Variants in MEI1 observed in about 807,000 individuals in gnomAD.
MEI1 encodes the protein meiosis inhibitor protein 1.
MEI1 carries 103 observed loss-of-function variants against 146.2 expected under a neutral mutation model. The observed-to-expected ratio is 0.70, with a 90% CI of 0.60 to 0.83. The LOEUF is 0.83. MEI1 is among the 40% of genes least tolerant of loss of function. The pLI, the probability that MEI1 is intolerant of heterozygous loss-of-function variation, is 0.00. For missense variants in MEI1, 1,529 were observed against 1,533.0 expected (o/e 1.00, Z 0.04); for synonymous variants, 652 against 628.2 (o/e 1.04, Z -0.57).
Position 41,784,369 on chromosome 22 carries a change from C to G in MEI1, c.3118C>G (p.Gln1040Glu), listed in dbSNP as rs866398554. The change falls in exon 25 of 31, where the codon CAA (glutamine) becomes GAA (glutamate). Residue 1040 changes from glutamine to glutamate, a missense_variant. Transcript: ENST00000401548. The part of the protein sequence containing the change: ...VHQTLSVEMD[Q>E]VLKALSFPKK... ...CCAGACACTCTCTGTGGAAATGGAC[C>G]AAGTATTGAAGGCTCTCAGCTTTCC... 7.4e-6 allele frequency: 12 copies of G among 1,613,894 alleles called. No homozygotes were observed. Among genetic ancestry groups the G allele is most frequent in the Non-Finnish European group, 9.3e-6 (11 of 1,179,884 alleles).
intron 7 of MEI1, among the ~76,000 whole-genome samples, chr22:41,724,776 AAGT>A (rs1435454753): frequency 6.6e-6 from 1 of 151,958 alleles, no homozygotes; most frequent in Non-Finnish European, 1.5e-5. Flanking sequence ...GGGTGATAGA[AAGT>A]AGATTTCCTT....
chr22:41,771,838 C>T (rs1364242791), intron 20 of MEI1, among the ~76,000 whole-genome samples: 4 of 152,126 alleles, frequency 2.6e-5, no homozygotes, highest in African/African-American at 9.7e-5. Flanking sequence ...AACTAAGATA[C>T]TAGGTTTTCT....
intron 19 of MEI1, among the ~76,000 whole-genome samples, chr22:41,770,423 G>A (rs992559469): frequency 1.3e-5 from 2 of 151,910 alleles, no homozygotes; most frequent in Non-Finnish European, 2.9e-5. Flanking sequence ...GATCCCAATA[G>A]CATTCCCCCA....
At chr22:41,719,608 C>T (rs1381119578) in intron 6 of MEI1, among the ~76,000 whole-genome samples, 2 of 152,302 alleles carry the variant, frequency 1.3e-5, no homozygotes, top group South Asian at 2.1e-4. Flanking sequence ...AAACACCACC[C>T]GTAGGTCCCA....
intron 28 of MEI1, 37 bp downstream of exon 28, chr22:41,794,514 G>C: frequency 1.3e-6 from 2 of 1,559,936 alleles, no homozygotes; most frequent in Non-Finnish European, 1.8e-6. Flanking sequence ...TCTGAGGAGT[G>C]TCATGAGCTG....
intron 1 of MEI1, among the ~76,000 whole-genome samples, chr22:41,702,676 C>T (rs984087077): frequency 2.6e-5 from 4 of 152,002 alleles, no homozygotes; most frequent in Non-Finnish European, 2.9e-5. Flanking sequence ...AACTCCCAAC[C>T]TCAGGTGATC....
chr22:41,700,678 G>T (rs1378425249), intron 1 of MEI1, among the ~76,000 whole-genome samples: 2 of 151,966 alleles, frequency 1.3e-5, no homozygotes, highest in African/African-American at 4.8e-5. Flanking sequence ...GACTTTGGGA[G>T]GTCAAGTTTC....
chr22:41,763,188 C>T lies in MEI1; in HGVS notation c.2135C>T (p.Ala712Val), dbSNP rs1569276879. The part of the protein sequence containing the change: ...YIHEDRFVSE[A>V]ELFEAVQSFL... ...TTGGTTGACAGGTTTGTCTCAGAGG[C>T]AGAGTTATTTGAGGCTGTGCAAAGC... Residue 712 changes from alanine (A) to valine (V), a missense_variant, in exon 19 of 31, where the codon GCA becomes GTA. Coordinates refer to ENST00000401548, the MANE Select transcript of MEI1 (RefSeq NM_152513.4). The T allele has an allele frequency of 1.2e-6, 2 of 1,613,738 alleles. No individual in the cohort carries two copies. The highest frequency in any genetic ancestry group is 3.3e-5 in the Admixed American group (2 of 59,990).
intron 6 of MEI1, among the ~76,000 whole-genome samples, chr22:41,722,799 A>G (rs185767760): frequency 3.1e-4 from 47 of 152,032 alleles, no homozygotes; most frequent in Admixed American, 5.9e-4. Context: ...TTTCCACATT[A>G]TTTAATTTTA....
intron 6 of MEI1, among the ~76,000 whole-genome samples, chr22:41,722,616 C>G (rs1249430749): frequency 1.3e-5 from 2 of 151,898 alleles, no homozygotes; most frequent in African/African-American, 4.8e-5. Flanking sequence ...AAATCCATCT[C>G]CAGGAACACA....
In MEI1 at chr22:41,778,978, C is replaced by G. The variant is rs2075613969; in HGVS notation, c.2815+166C>G. 20 of 568,812 alleles carry G rather than the reference C, an allele frequency of 3.5e-5. No individual in the cohort carries two copies. The South Asian group carries it at 4.1e-4, about 12-fold the overall frequency. The allele number at this position is 568,812 out of a possible 1,614,324, so 35.2% of individuals were successfully genotyped here. On this transcript the variant is annotated intron_variant, in intron 22 of 30. Coordinates refer to ENST00000401548, the MANE Select transcript of MEI1 (RefSeq NM_152513.4). Reference sequence around the variant, plus strand: ...TTTCTTGCTAAAGGACCTCTCAGGGCTTTCTCTGCTTGTTCTCTGGGAATG... The same window carrying G: ...TTTCTTGCTAAAGGACCTCTCAGGGGTTTCTCTGCTTGTTCTCTGGGAATG...
At chr22:41,749,709 G>C (rs577317016) in intron 15 of MEI1, among the ~76,000 whole-genome samples, 1 of 152,346 alleles carries the variant, frequency 6.6e-6, no homozygotes, top group Middle Eastern at 3.4e-3. Flanking sequence ...TTGGAGGCAT[G>C]TATCTCAGCC....
chr22:41,793,032 CTTTTTTTTT>C (rs869223251), intron 26 of MEI1, among the ~76,000 whole-genome samples: 4 of 48,398 alleles, frequency 8.3e-5, no homozygotes, highest in Non-Finnish European at 1.7e-4. Context: ...ACAAAGCATT[CTTTTTTTTT>C]TTTTTTTTTT....
intron 26 of MEI1, among the ~76,000 whole-genome samples, chr22:41,792,331 G>T (rs960709149): frequency 6.6e-6 from 1 of 152,164 alleles, no homozygotes; most frequent in Non-Finnish European, 1.5e-5. Context: ...GCCCAGTGCA[G>T]TGCAGTGGAA....
intron 4 of MEI1, among the ~76,000 whole-genome samples, chr22:41,715,485 T>G (rs549725161): frequency 6.6e-6 from 1 of 151,394 alleles, no homozygotes; most frequent in South Asian, 2.1e-4. Context: ...AAGCTCCGCC[T>G]CCCGGGTTCA....
intron 26 of MEI1, among the ~76,000 whole-genome samples, chr22:41,792,323 C>G (rs1230218877): frequency 6.6e-6 from 1 of 152,072 alleles, no homozygotes; most frequent in Non-Finnish European, 1.5e-5. Context: ...GTTGGGTGGC[C>G]CAGTGCAGTG....
chr22:41,752,654 ATGTGTGGTCCCAGGCAAGAT>A lies in MEI1; in HGVS notation c.1853+6_1853+25del. 3.8e-6 allele frequency: 6 copies of A among 1,591,802 alleles called. No individual in the cohort carries two copies. Among genetic ancestry groups the A allele is most frequent in the Non-Finnish European group, 5.1e-6 (6 of 1,169,112 alleles). Reference sequence around the variant, plus strand: ...GCCAGGTTTTGCAGTGGTCTGAGGTATGTGTGGTCCCAGGCAAGATTGAGTGGCCAAGGGGCCAATGTCCC... The same window carrying A: ...GCCAGGTTTTGCAGTGGTCTGAGGTATGAGTGGCCAAGGGGCCAATGTCCC... On this transcript the variant is annotated splice_donor_5th_base_variant and intron_variant, in intron 16 of 30. Transcript: ENST00000401548.
At chr22:41,787,348 C>T in intron 26 of MEI1, among the ~76,000 whole-genome samples, 1 of 152,064 alleles carries the variant, frequency 6.6e-6, no homozygotes, top group South Asian at 2.1e-4. Context: ...AGTGAACATT[C>T]ATACACCCAA....
intron 2 of MEI1, among the ~76,000 whole-genome samples, chr22:41,704,735 G>C (rs1271021255): frequency 6.6e-6 from 1 of 151,672 alleles, no homozygotes; most frequent in Admixed American, 6.6e-5. Context: ...CTTTTTTTGA[G>C]ATGGAGTCTT....
Sources: gnomAD v4.1 joint callset for allele counts (sites outside exome capture counted in the v4.1 genomes callset) on GRCh38, gnomAD v4.1.1 for gene constraint, MANE v1.5 for transcripts, NCBI Gene and HGNC (gene_info 2026-07-23, HGNC 2026-07-21) for gene names.